Variants in SENP2 observed in about 807,000 individuals in gnomAD.
SENP2 encodes sentrin-specific protease 2.
SENP2 carries 16 observed loss-of-function variants against 86.3 expected under a neutral mutation model. That is an observed-to-expected ratio of 0.19 (90% CI 0.13 to 0.28). The LOEUF (loss-of-function observed/expected upper bound fraction) is 0.28, where lower values mean the gene tolerates loss of function less well. SENP2 is among the 10% of genes least tolerant of loss of function. SENP2 has a pLI of 1.00. For missense variants in SENP2, 552 were observed against 703.0 expected (o/e 0.79, Z 2.43); for synonymous variants, 222 against 238.7 (o/e 0.93, Z 0.64).
At chr3:185,615,431 C>T (rs1165038965) in intron 11 of SENP2, among the ~76,000 whole-genome samples, 1 of 152,208 alleles carries the variant, frequency 6.6e-6, no homozygotes, top group East Asian at 1.9e-4. Context: ...GCAACCTCTG[C>T]ATCCTGGGTT....
intron 14 of SENP2, 47 bp downstream of exon 14, chr3:185,621,952 T>C (rs1334170824): frequency 2.4e-6 from 3 of 1,227,174 alleles, no homozygotes; most frequent in Admixed American, 3.6e-5. Flanking sequence ...AGGTGATCTC[T>C]CTTTTATCTC....
chr3:185,628,205 C>A (rs1474284573), intron 16 of SENP2, among the ~76,000 whole-genome samples: 1 of 152,044 alleles, frequency 6.6e-6, no homozygotes, highest in Non-Finnish European at 1.5e-5. Flanking sequence ...GTGGTGTGAT[C>A]TTGGCTCACT....
chr3:185,616,711 C>T (rs111334715), intron 11 of SENP2, among the ~76,000 whole-genome samples: 2 of 148,052 alleles, frequency 1.4e-5, no homozygotes, highest in Non-Finnish European at 3.0e-5. Context: ...GGAGGCGGAG[C>T]TTGCAGTAAG....
intron 2 of SENP2, 99 bp from the exon 3 acceptor site, chr3:185,598,313 C>T: frequency 7.6e-7 from 1 of 1,322,118 alleles, no homozygotes. Flanking sequence ...GCAAATAGAA[C>T]TTTTGATAAA....
chr3:185,593,962 C>CT (rs1370324183), intron 2 of SENP2, among the ~76,000 whole-genome samples: 1 of 151,990 alleles, frequency 6.6e-6, no homozygotes, highest in Non-Finnish European at 1.5e-5. Flanking sequence ...TTCCTGACCT[C>CT]AAGTGATCGC....
chr3:185,592,163 C>G (rs998440761), intron 2 of SENP2, among the ~76,000 whole-genome samples: 18 of 151,598 alleles, frequency 1.2e-4, no homozygotes, highest in African/African-American at 4.1e-4. Flanking sequence ...ACTGCAGTCT[C>G]AAACTCCTGG....
chr3:185,602,662 C>T (rs572109211), intron 5 of SENP2, among the ~76,000 whole-genome samples: 9 of 151,594 alleles, frequency 5.9e-5, no homozygotes, highest in African/African-American at 1.5e-4. Flanking sequence ...CGAGAAATCC[C>T]GTTTCTACTA....
At chr3:185,612,356 C>T in intron 8 of SENP2, 1 of 373,682 alleles carries the variant, frequency 2.7e-6, no homozygotes, top group Non-Finnish European at 4.9e-6. Context: ...ACTTACTGTC[C>T]ACTAAATGAC....
At chr3:185,619,058 C>T (rs1711742509) in intron 12 of SENP2, among the ~76,000 whole-genome samples, 2 of 152,004 alleles carry the variant, frequency 1.3e-5, no homozygotes, top group South Asian at 4.2e-4. Context: ...CACAGACTTT[C>T]TTCCTGGATT....
rs1488676269 is a variant in SENP2, at chr3:185,633,165, T to A, written c.*3321T>A. The A allele has an allele frequency of 2.0e-5, 3 of 152,228 alleles. No homozygotes were observed. Among genetic ancestry groups the A allele is most frequent in the Non-Finnish European group, 4.4e-5 (3 of 68,058 alleles). The allele number at this position is 152,228 out of a possible 1,614,324, so 9.4% of individuals were successfully genotyped here. A position where few individuals can be genotyped will look rare whatever the true frequency, so the allele number is the denominator to read the frequency against. On this transcript the variant is annotated 3_prime_UTR_variant, in exon 17 of 17. Coordinates refer to ENST00000296257, the MANE Select transcript of SENP2 (RefSeq NM_021627.3). Reference sequence around the variant, plus strand: ...TCCTGCTGTGAGGAGCTGCTTGATGTGGGGACCAAGGTGTGGGTGTGGGCG... The same window carrying A: ...TCCTGCTGTGAGGAGCTGCTTGATGAGGGGACCAAGGTGTGGGTGTGGGCG...
intron 2 of SENP2, among the ~76,000 whole-genome samples, chr3:185,593,401 A>G (rs1287750555): frequency 1.3e-5 from 2 of 152,194 alleles, no homozygotes. Flanking sequence ...GGCGTGAACC[A>G]CCATCCCCGG....
At chr3:185,594,515 C>A (rs1722110869) in intron 2 of SENP2, among the ~76,000 whole-genome samples, 1 of 151,746 alleles carries the variant, frequency 6.6e-6, no homozygotes, top group South Asian at 2.1e-4. Context: ...TGGCTACTAG[C>A]TACTGTGTTG....
intron 11 of SENP2, 142 bp from the exon 12 acceptor site, chr3:185,617,338 G>A: frequency 1.9e-6 from 1 of 536,764 alleles, no homozygotes; most frequent in East Asian, 3.3e-5. Context: ...TCCTACTGTA[G>A]TTTAGTAGGT....
At position 185,586,610 on chromosome 3, in the gene SENP2, C is replaced by A; in HGVS notation, c.101+96C>A. The A allele has an allele frequency of 8.6e-7, 1 of 1,163,802 alleles. No individual in the cohort carries two copies. Among genetic ancestry groups the A allele is most frequent in the Non-Finnish European group, 1.2e-6 (1 of 801,122 alleles). 72.1% of individuals were successfully genotyped at this position (1,163,802 alleles called of 1,614,324 possible). Reference sequence around the variant, plus strand: ...TAGCTTTGATTCAGCCAGGCTCACCCGAAACAGGTCGCCGGGATCCTAGTG... The same window carrying A: ...TAGCTTTGATTCAGCCAGGCTCACCAGAAACAGGTCGCCGGGATCCTAGTG... On this transcript the variant is annotated intron_variant, in intron 1 of 16. Coordinates refer to ENST00000296257, the MANE Select transcript of SENP2 (RefSeq NM_021627.3). This position sits in a 1 kb window ranked among gnomAD's most constrained non-coding sequence, Gnocchi z 4.3.
chr3:185,625,299 G>C (rs1040058772), intron 15 of SENP2, among the ~76,000 whole-genome samples: 6 of 152,060 alleles, frequency 3.9e-5, no homozygotes, highest in Non-Finnish European at 8.8e-5. Flanking sequence ...TTTTAGTAGA[G>C]ACGGAGTTTC....
chr3:185,617,467 C>A lies in SENP2; in HGVS notation c.1111-13C>A. 3.8e-6 allele frequency: 6 copies of A among 1,592,394 alleles called. No homozygotes were observed. Among genetic ancestry groups the A allele is most frequent in the East Asian group, 2.2e-5 (1 of 44,496 alleles). The stretch of plus-strand genomic sequence containing the variant: ...CTATATTAAAATAGCAACTTCTGAA[C>A]TTTCTAATTCAGGACATGGAAAAGG... On this transcript the variant is annotated splice_polypyrimidine_tract_variant and intron_variant, in intron 11 of 16. Coordinates refer to ENST00000296257, the MANE Select transcript of SENP2 (RefSeq NM_021627.3).
intron 2 of SENP2, among the ~76,000 whole-genome samples, 187 bp from the exon 3 acceptor site, chr3:185,598,225 C>T (rs942331585): frequency 2.0e-5 from 3 of 152,008 alleles, no homozygotes; most frequent in East Asian, 1.9e-4. Context: ...AAGCTGGTCT[C>T]GAGCTCCTGG....
At chr3:185,623,739 A>G (rs1449984069) in intron 14 of SENP2, among the ~76,000 whole-genome samples, 1 of 144,588 alleles carries the variant, frequency 6.9e-6, no homozygotes, top group Non-Finnish European at 1.5e-5. Flanking sequence ...AGTCAGGAGA[A>G]TGGCGTGAAC....
rs1411722699 is a variant in SENP2 at position 185,630,029 on chromosome 3, A to G, written c.*185A>G. 3.4e-6 allele frequency: 2 copies of G among 595,752 alleles called. No individual in the cohort carries two copies. The highest frequency in any genetic ancestry group is 5.7e-5 in the East Asian group (2 of 34,830). The allele number at this position is 595,752 out of a possible 1,614,324, so 36.9% of individuals were successfully genotyped here. A position where few individuals can be genotyped will look rare whatever the true frequency, so the allele number is the denominator to read the frequency against. On this transcript the variant is annotated 3_prime_UTR_variant, in exon 17 of 17. Coordinates refer to ENST00000296257, the MANE Select transcript of SENP2 (RefSeq NM_021627.3). ...ACTTGGGGTGCAGAGGGCTGCTTGC[A>G]ATCCTGTTTGTAAGGCTGTGCCTGC...
Sources: allele counts gnomAD v4.1 joint callset (sites outside exome capture counted in the v4.1 genomes callset), GRCh38; gene constraint gnomAD v4.1.1; non-coding constraint Gnocchi (gnomAD v3.1); transcripts MANE v1.5; gene names NCBI Gene and HGNC (gene_info 2026-07-23, HGNC 2026-07-21).